Variants in SRPX2 observed in about 807,000 individuals in gnomAD.
SRPX2 encodes sushi repeat-containing protein SRPX2.
In SRPX2, 26 loss-of-function variants were observed where a neutral mutation model predicts 45.3. The ratio of observed to expected loss-of-function variants is 0.57; its 90% CI spans 0.42 to 0.80. SRPX2 has a LOEUF of 0.80. SRPX2 is among the 30% of genes least tolerant of loss of function. The probability of loss-of-function intolerance (pLI) is 0.00; values close to 1 mark genes in which losing one functional copy is unlikely to be tolerated. For synonymous variants in SRPX2, 125 were observed against 143.7 expected (o/e 0.87, Z 0.93); for missense variants, 355 against 399.8 (o/e 0.89, Z 0.95).
chrX:100,670,948 G>A lies in SRPX2; in HGVS notation c.1359G>A (p.Glu453=). 2 of 1,211,938 alleles carry A rather than the reference G, an allele frequency of 1.7e-6. No homozygotes were observed. Among genetic ancestry groups the A allele is most frequent in the South Asian group, 3.5e-5 (2 of 56,921 alleles). Residue 453 remains glutamate (E), a synonymous_variant, in exon 11 of 11, where the codon GAG becomes GAA. Coordinates refer to ENST00000373004, the MANE Select transcript of SRPX2 (RefSeq NM_014467.3). ...ATGACTACCTACTGAGCAATCAGGA[G>A]TTGACCCAGCGTCGGGAGCAAAGGG... ...FIDDYLLSNQ[E]LTQRREQRDI...
rs778566554 is a variant in SRPX2 at position 100,646,364 on chromosome X, G to A, written c.42G>A (p.Leu14=). The part of the protein sequence containing the change: ...QLTQRGALFL[L]FFLTPAVTPT... Reference sequence around the variant, plus strand: ...CTCAAAGAGGAGCTCTCTTTCTGCTGTTCTTCCTAACTCCGGCAGTGACAC... The same window carrying A: ...CTCAAAGAGGAGCTCTCTTTCTGCTATTCTTCCTAACTCCGGCAGTGACAC... The change falls in exon 2 of 11, where the codon CTG becomes CTA. Residue 14 remains leucine (L), a synonymous_variant. Coordinates refer to ENST00000373004, the MANE Select transcript of SRPX2 (RefSeq NM_014467.3). The A allele has an allele frequency of 1.3e-5, 16 of 1,209,603 alleles. No homozygotes were observed. Among genetic ancestry groups the A allele is most frequent in the Non-Finnish European group, 1.7e-5 (15 of 895,272 alleles).
At chrX:100,654,932 C>T (rs1256307144) in intron 3 of SRPX2, among the ~76,000 whole-genome samples, 1 of 111,956 alleles carries the variant, frequency 8.9e-6, no homozygotes, top group Non-Finnish European at 1.9e-5. Context: ...TGCAGCTTGC[C>T]TCATCCCTGA....
intron 5 of SRPX2, 116 bp from the exon 6 acceptor site, chrX:100,665,127 T>G: frequency 9.0e-7 from 1 of 1,117,210 alleles, no homozygotes; most frequent in South Asian, 1.9e-5. Context: ...TTCCCCAGTT[T>G]CCTTGAGCAC....
chrX:100,645,627 G>T (rs917668036), intron 1 of SRPX2, among the ~76,000 whole-genome samples: 1 of 112,042 alleles, frequency 8.9e-6, no homozygotes, highest in African/African-American at 3.2e-5. Context: ...TACAAAGTTG[G>T]TAATAATATT....
intron 4 of SRPX2, among the ~76,000 whole-genome samples, chrX:100,664,215 A>ATTTT (rs5903167): frequency 2.0e-5 from 2 of 98,782 alleles, no homozygotes; most frequent in Admixed American, 1.1e-4. Context: ...GTCAGGTCTG[A>ATTTT]TTTTTTTTTT....
At position 100,671,857 on chromosome X, in the gene SRPX2, T is replaced by C. The variant is rs2083227450; in HGVS notation, c.*870T>C. 1 of 112,137 alleles carries C rather than the reference T, an allele frequency of 8.9e-6. No individual in the cohort carries two copies. The highest frequency in any genetic ancestry group is 3.2e-5 in the African/African-American group (1 of 30,800). The allele number at this position is 112,137 out of a possible 1,213,427, so 9.2% of individuals were successfully genotyped here. A position where few individuals can be genotyped will look rare whatever the true frequency, so the allele number is the denominator to read the frequency against. The stretch of plus-strand genomic sequence containing the variant: ...CAGTGGGAGAGAGCTTGGTAAGATG[T>C]ATCCAATCAGAGCAGAATGTTCTCT... On this transcript the variant is annotated 3_prime_UTR_variant, in exon 11 of 11. Coordinates refer to ENST00000373004, the MANE Select transcript of SRPX2 (RefSeq NM_014467.3).
rs146282439 is a variant in SRPX2, at chrX:100,665,279, G to A, written c.569G>A (p.Arg190His). 5.0e-5 allele frequency: 60 copies of A among 1,208,822 alleles called. No individual in the cohort carries two copies. The highest frequency in any genetic ancestry group is 1.8e-4 in the South Asian group (10 of 56,238). ...DPPKIRCPHS[R>H]EKMAEPEKLT... is the part of the protein sequence containing the mutation. ...CCCAAGATCCGCTGTCCCCACTCAC[G>A]TGAGAAGATGGCAGAGCCAGAGAAA... Residue 190 changes from arginine (R) to histidine (H), a missense_variant, in exon 6 of 11, where the codon CGT becomes CAT. Coordinates refer to ENST00000373004, the MANE Select transcript of SRPX2 (RefSeq NM_014467.3).
chrX:100,662,760 G>A (rs1245054479), intron 4 of SRPX2, among the ~76,000 whole-genome samples: 3 of 112,114 alleles, frequency 2.7e-5, no homozygotes, highest in Non-Finnish European at 5.6e-5. Context: ...AGAAGACCTT[G>A]GCAGTGGAGC....
chrX:100,659,902 T>C (rs772886411), intron 3 of SRPX2, among the ~76,000 whole-genome samples: 1 of 107,970 alleles, frequency 9.3e-6, no homozygotes, highest in South Asian at 4.3e-4. Flanking sequence ...TGTGTGTGCA[T>C]CCTTGGGCAG....
intron 10 of SRPX2, among the ~76,000 whole-genome samples, chrX:100,669,769 C>T (rs867137017): frequency 4.5e-4 from 28 of 61,645 alleles, no homozygotes; most frequent in Admixed American, 1.0e-3. Context: ...CAAAAGCCAT[C>T]TTTTTTTTTT....
rs994756839 is a variant in SRPX2 at position 100,673,816 on chromosome X, C to T, written c.*2829C>T. On this transcript the variant is annotated 3_prime_UTR_variant, in exon 11 of 11. Coordinates refer to ENST00000373004, the MANE Select transcript of SRPX2 (RefSeq NM_014467.3). ...TTTGATTCAAAGCCCAACTCTGTCA[C>T]GTGACAGTAGGCTTGAGTTTCCTCA... 27 of 112,072 alleles carry T rather than the reference C, an allele frequency of 2.4e-4. No individual in the cohort carries two copies. The highest frequency in any genetic ancestry group is 1.4e-3 in the East Asian group (5 of 3,564). 9.2% of individuals were successfully genotyped at this position (112,072 alleles called of 1,213,427 possible). A position where few individuals can be genotyped will look rare whatever the true frequency, so the allele number is the denominator to read the frequency against.
Position 100,666,945 on chromosome X carries a change from C to T in SRPX2, c.961+12C>T, listed in dbSNP as rs373436594. ...ACCAATCTGTGCTCGTGAGTGAAAC[C>T]GGGGAATGGGGCAAGTGGATGTGGT... On this transcript the variant is annotated intron_variant, in intron 8 of 10. Coordinates refer to ENST00000373004, the MANE Select transcript of SRPX2 (RefSeq NM_014467.3). 60 of 1,202,864 alleles carry T rather than the reference C, an allele frequency of 5.0e-5. No homozygotes were observed. In the African/African-American group the frequency reaches 7.7e-4, roughly 15 times the overall value.
chrX:100,666,588 A>G (rs2083205184), intron 7 of SRPX2, among the ~76,000 whole-genome samples, 166 bp from the exon 8 acceptor site: 1 of 112,772 alleles, frequency 8.9e-6, no homozygotes, highest in Non-Finnish European at 1.9e-5. Flanking sequence ...TTAATTCCTT[A>G]AGAAAGGAAA....
chrX:100,656,827 G>T (rs1226089772), intron 3 of SRPX2, among the ~76,000 whole-genome samples: 1 of 111,418 alleles, frequency 9.0e-6, no homozygotes, highest in Non-Finnish European at 1.9e-5. Context: ...CTTTAAATAG[G>T]TACCCAGTAG....
intron 3 of SRPX2, 35 bp from the exon 4 acceptor site, chrX:100,662,141 T>C: frequency 8.4e-7 from 1 of 1,192,767 alleles, no homozygotes; most frequent in Non-Finnish European, 1.1e-6. Flanking sequence ...TCTTGATTAC[T>C]ATACTTCTAG....
chrX:100,670,844 G>A lies in SRPX2; in HGVS notation c.1255G>A (p.Val419Met), dbSNP rs797046012. The A allele has an allele frequency of 2.5e-6, 3 of 1,209,468 alleles. No homozygotes were observed. The Admixed American group carries it at 6.6e-5, about 26-fold the overall frequency. The change falls in exon 11 of 11, where the codon GTG becomes ATG. Residue 419 changes from valine to methionine, a missense_variant. By Grantham distance (21) the Val-to-Met change is conservative. Transcript: ENST00000373004. Reference protein sequence around the residue: ...QRLTRSYFNMVLIDKQGIDRD... With the variant: ...QRLTRSYFNMMLIDKQGIDRD... ...CCTCACTCGCTCCTACTTCAACATG[G>A]TGTTGATTGACAAGCAGGGTATTGA... is the stretch of plus-strand genomic sequence containing the variant.
intron 9 of SRPX2, among the ~76,000 whole-genome samples, chrX:100,667,746 C>T (rs2083209360): frequency 8.9e-6 from 1 of 112,121 alleles, no homozygotes; most frequent in Non-Finnish European, 1.9e-5. Context: ...GGAATAACAG[C>T]GCTAACAAAC....
chrX:100,647,374 CTGTT>C (rs1197722264), intron 2 of SRPX2, among the ~76,000 whole-genome samples: 5 of 112,865 alleles, frequency 4.4e-5, no homozygotes, highest in African/African-American at 1.6e-4. Flanking sequence ...GGCAGTAGCT[CTGTT>C]TGTCTGGAAC....
chrX:100,665,076 T>C, intron 5 of SRPX2, 126 bp downstream of exon 5: 1 of 1,062,778 alleles, frequency 9.4e-7, no homozygotes, highest in Non-Finnish European at 1.3e-6. Context: ...CCCTGGGTAT[T>C]TGCTAAACAA....
Sources: allele counts gnomAD v4.1 joint callset (sites outside exome capture counted in the v4.1 genomes callset), GRCh38; gene constraint gnomAD v4.1.1; transcripts MANE v1.5; gene names NCBI Gene and HGNC (gene_info 2026-07-23, HGNC 2026-07-21).